TANGO6: variants seen among roughly 807,000 people sequenced by gnomAD.
TANGO6 encodes the protein transport and golgi organization 6 homolog.
In TANGO6, 90 loss-of-function variants were observed where a neutral mutation model predicts 114.2. That is an observed-to-expected ratio of 0.79 (90% confidence interval 0.66 to 0.94). The LOEUF (loss-of-function observed/expected upper bound fraction) is 0.94, where lower values mean the gene tolerates loss of function less well. Ranked by LOEUF, TANGO6 falls within the 40% of genes least tolerant of loss-of-function variation. The probability of loss-of-function intolerance (pLI) is 0.00; values close to 1 mark genes in which losing one functional copy is unlikely to be tolerated. For synonymous variants in TANGO6, 477 were observed against 509.8 expected, an observed-to-expected ratio of 0.94 and a Z score of 0.87; for missense variants, 1,274 against 1,315.3, an observed-to-expected ratio of 0.97 and a Z score of 0.49.
chr16:68,916,206 G>C (rs1292657987), intron 11 of TANGO6, among the ~76,000 whole-genome samples: 1 of 152,118 alleles, frequency 6.6e-6, no homozygotes, highest in South Asian at 2.1e-4. Flanking sequence ...GCCACGGACT[G>C]GTACTGTTCT....
At chr16:68,909,131 CAG>C (rs1962889615) in intron 10 of TANGO6, 78 bp from the exon 11 acceptor site, 8 of 1,181,058 alleles carry the variant, frequency 6.8e-6, no homozygotes, top group Non-Finnish European at 7.7e-6. Flanking sequence ...GCAGTTCAAA[CAG>C]AGTTTTCTGC....
intron 7 of TANGO6, among the ~76,000 whole-genome samples, chr16:68,898,244 T>C (rs1567534708): frequency 6.6e-6 from 1 of 152,128 alleles, no homozygotes. Context: ...TAGCTGGGCT[T>C]ATGGAGATTA....
chr16:68,989,022 C>A lies in TANGO6; in HGVS notation c.2842+14854C>A, dbSNP rs200522223. ...GGGACTACAGGTGCATGCCAACACA[C>A]CTGGCTAATTTTTGTATATTTTGTG... On this transcript the variant is annotated intron_variant, in intron 15 of 17. Transcript: ENST00000261778. Among the ~76,000 whole-genome samples, 38 of 152,220 alleles carry A rather than the reference C, an allele frequency of 2.5e-4. 1 individual carries two copies. The East Asian group carries it at 3.7e-3, about 15-fold the overall frequency.
rs751636815 is a variant in TANGO6 at position 68,880,609 on chromosome 16, A to G, written c.1356A>G (p.Arg452=). The part of the protein sequence containing the change: ...TILVTEEELS[R]CIEDVFKVYV... The stretch of plus-strand genomic sequence containing the variant: ...TGGTGACAGAAGAAGAACTTAGTAG[A>G]TGCATTGAGGATGTGTTTAAGGTTG... Residue 452 remains arginine (R), a synonymous_variant, in exon 7 of 18, where the codon AGA becomes AGG. Coordinates refer to ENST00000261778, the MANE Select transcript of TANGO6 (RefSeq NM_024562.2). 20 of 1,612,256 alleles carry G rather than the reference A, an allele frequency of 1.2e-5. No individual in the cohort carries two copies. Among genetic ancestry groups the G allele is most frequent in the Non-Finnish European group, 1.5e-5 (18 of 1,179,032 alleles).
At chr16:69,031,206 C>T (rs576432399) in intron 16 of TANGO6, among the ~76,000 whole-genome samples, 167 of 152,164 alleles carry the variant, frequency 1.1e-3, no homozygotes, top group Non-Finnish European at 2.0e-3. Context: ...TCTACAGAAT[C>T]AATCCCAGGA....
chr16:68,978,207 T>C (rs1328012428), intron 15 of TANGO6, among the ~76,000 whole-genome samples: 2 of 152,170 alleles, frequency 1.3e-5, no homozygotes, highest in African/African-American at 4.8e-5. Context: ...TTTTCTCTGG[T>C]AGACCGCTAC....
chr16:68,951,098 C>T (rs931469406), intron 14 of TANGO6, among the ~76,000 whole-genome samples: 3 of 151,748 alleles, frequency 2.0e-5, no homozygotes, highest in Admixed American at 6.6e-5. Context: ...TCGATGTGGA[C>T]GATCACTTGA....
intron 15 of TANGO6, among the ~76,000 whole-genome samples, chr16:68,982,948 TG>T (rs967439836): frequency 3.9e-5 from 6 of 151,952 alleles, no homozygotes; most frequent in African/African-American, 1.5e-4. Flanking sequence ...GAAAATGAAG[TG>T]TTTTTTTTTT....
chr16:68,983,221 A>G (rs1963857109), intron 15 of TANGO6, among the ~76,000 whole-genome samples: 1 of 152,098 alleles, frequency 6.6e-6, no homozygotes, highest in African/African-American at 2.4e-5. Flanking sequence ...TGGTGGAAAA[A>G]CAATTTATGT....
intron 17 of TANGO6, among the ~76,000 whole-genome samples, chr16:69,041,821 C>G (rs966161647): frequency 6.6e-6 from 1 of 152,202 alleles, no homozygotes; most frequent in Admixed American, 6.5e-5. Context: ...GGATTTTTCT[C>G]ACATCACAAG....
intron 15 of TANGO6, among the ~76,000 whole-genome samples, chr16:68,996,558 T>C (rs1050590928): frequency 6.6e-6 from 1 of 152,160 alleles, no homozygotes. Flanking sequence ...TGTTTCCTCA[T>C]TGACTGGATC....
chr16:68,971,827 T>A (rs1243761306), intron 14 of TANGO6, among the ~76,000 whole-genome samples: 1 of 148,654 alleles, frequency 6.7e-6, no homozygotes, highest in African/African-American at 2.5e-5. Flanking sequence ...GAGACGGGGT[T>A]TCACCATGTT....
intron 17 of TANGO6, among the ~76,000 whole-genome samples, chr16:69,052,661 A>G (rs1959970496): frequency 6.6e-6 from 1 of 152,130 alleles, no homozygotes; most frequent in Non-Finnish European, 1.5e-5. Flanking sequence ...TGTGGGAGGT[A>G]TGAAGAAACA....
At chr16:69,045,332 T>G (rs183287166) in intron 17 of TANGO6, among the ~76,000 whole-genome samples, 23 of 144,762 alleles carry the variant, frequency 1.6e-4, no homozygotes, top group African/African-American at 4.9e-4. Context: ...TAGTCCTAGC[T>G]ACTCGGGAGG....
At chr16:68,975,185 A>C (rs1364309532) in intron 15 of TANGO6, among the ~76,000 whole-genome samples, 1 of 152,198 alleles carries the variant, frequency 6.6e-6, no homozygotes, top group Non-Finnish European at 1.5e-5. Context: ...GGCTGTTACT[A>C]AACCTGTTTT....
intron 5 of TANGO6, among the ~76,000 whole-genome samples, chr16:68,876,152 C>A (rs6499207): frequency 0.28 from 42,282 of 151,642 alleles, 7,573 homozygotes; most frequent in African/African-American, 0.52. Flanking sequence ...CATGATGGTA[C>A]AATTAATGCT....
chr16:69,077,133 C>T (rs1336398113), intron 17 of TANGO6, among the ~76,000 whole-genome samples: 2 of 152,038 alleles, frequency 1.3e-5, no homozygotes, highest in South Asian at 2.1e-4. Context: ...TCACAAACTC[C>T]TGAGCTCTAG....
At chr16:68,928,217 A>G (rs959077376) in intron 13 of TANGO6, 134 bp downstream of exon 13, 1 of 978,124 alleles carries the variant, frequency 1.0e-6, no homozygotes, top group Non-Finnish European at 1.5e-6. Context: ...TTTTGTGAGG[A>G]GGCAACACTT....
intron 11 of TANGO6, among the ~76,000 whole-genome samples, chr16:68,916,101 A>G (rs1404226889): frequency 6.6e-6 from 1 of 152,160 alleles, no homozygotes; most frequent in Admixed American, 6.6e-5. Flanking sequence ...TTGTTAGCCA[A>G]ATGCTATATA....
Sources: gnomAD v4.1 joint callset for allele counts (sites outside exome capture counted in the v4.1 genomes callset) on GRCh38, gnomAD v4.1.1 for gene constraint, MANE v1.5 for transcripts, NCBI Gene and HGNC (gene_info 2026-07-23, HGNC 2026-07-21) for gene names.